FMN2: variants seen among roughly 807,000 people sequenced by gnomAD.
FMN2 encodes the protein formin-2.
Under a neutral mutation model 142.3 loss-of-function variants are expected in FMN2, and 51 were observed. The observed-to-expected ratio is 0.36, with a 90% confidence interval of 0.29 to 0.45. FMN2 has a LOEUF of 0.45. Among genes scored for constraint, FMN2 ranks in the 20% least tolerant of loss-of-function variants. The pLI is 1.00. For missense variants in FMN2, 1,936 were observed against 2,122.8 expected (o/e 0.91, Z 1.73); for synonymous variants, 882 against 869.8 (o/e 1.01, Z -0.25).
At chr1:240,141,373 A>G (rs1663175662) in intron 2 of FMN2, among the ~76,000 whole-genome samples, 1 of 143,002 alleles carries the variant, frequency 7.0e-6, no homozygotes, top group African/African-American at 2.6e-5. Context: ...TATTTTTGGG[A>G]TGGAGTCTCA....
chr1:240,137,099 G>T (rs1164779336), intron 2 of FMN2, among the ~76,000 whole-genome samples: 2 of 149,326 alleles, frequency 1.3e-5, no homozygotes, highest in African/African-American at 4.9e-5. Context: ...AAAAAATTGG[G>T]ACTCTATGGC....
chr1:240,112,115 C>T (rs1307896075), intron 1 of FMN2, among the ~76,000 whole-genome samples: 1 of 151,714 alleles, frequency 6.6e-6, no homozygotes, highest in Admixed American at 6.6e-5. Context: ...AGACACCTAA[C>T]ATCCTTAGGC....
intron 2 of FMN2, chr1:240,154,600 A>G (rs17623932): frequency 0.18 from 27,098 of 152,010 alleles, 2,652 homozygotes; most frequent in South Asian, 0.29. Context: ...CGCAATCCCA[A>G]TTCCATCTCA....
At chr1:240,332,477 A>G (rs1417281323) in intron 11 of FMN2, among the ~76,000 whole-genome samples, 5 of 152,152 alleles carry the variant, frequency 3.3e-5, no homozygotes, top group Admixed American at 6.5e-5. Flanking sequence ...TGAAATCTAT[A>G]GCATCAATAT....
Position 240,092,320 on chromosome 1 carries a change from A to G in FMN2, c.211A>G (p.Arg71Gly), listed in dbSNP as rs1661006187. 6.2e-7 allele frequency: 1 copy of G among 1,604,282 alleles called. No individual in the cohort carries two copies. Among genetic ancestry groups the G allele is most frequent in the Non-Finnish European group, 8.5e-7 (1 of 1,173,916 alleles). The change falls in exon 1 of 18, where the codon AGA becomes GGA. Residue 71 changes from arginine to glycine, a missense_variant. Arg to Gly is a moderately radical substitution (Grantham distance 125). Around this residue, in one of 8 missense-constraint regions of FMN2, gnomAD observed 751 missense variants for 791.8 expected, o/e 0.95. Transcript: ENST00000319653. ...SGKKKSKSDS[R>G]ASVFSNLRIR... Reference sequence around the variant, plus strand: ...CAAGAAGAAGAGCAAGTCCGACTCCAGAGCCTCGGTGTTTTCCAACCTGCG... The same window carrying G: ...CAAGAAGAAGAGCAAGTCCGACTCCGGAGCCTCGGTGTTTTCCAACCTGCG...
At chr1:240,381,778 C>T (rs913914035) in intron 14 of FMN2, among the ~76,000 whole-genome samples, 16 of 152,232 alleles carry the variant, frequency 1.1e-4, no homozygotes, top group Admixed American at 3.3e-4. Flanking sequence ...TCCAACATTG[C>T]TTCATGATAA....
At chr1:240,454,669 G>T (rs1315790081) in intron 16 of FMN2, among the ~76,000 whole-genome samples, 1 of 152,078 alleles carries the variant, frequency 6.6e-6, no homozygotes, top group Non-Finnish European at 1.5e-5. Flanking sequence ...TACACATCTT[G>T]TTCTTCTTAG....
chr1:240,126,919 G>A (rs1321465985), intron 2 of FMN2, among the ~76,000 whole-genome samples: 2 of 152,080 alleles, frequency 1.3e-5, no homozygotes, highest in African/African-American at 2.4e-5. Flanking sequence ...AGTGAATGGC[G>A]TGGGGGTAGG....
At chr1:240,415,428 T>A (rs1353700695) in intron 15 of FMN2, among the ~76,000 whole-genome samples, 1 of 151,800 alleles carries the variant, frequency 6.6e-6, no homozygotes, top group Non-Finnish European at 1.5e-5. Flanking sequence ...GAGAAATACC[T>A]AATGTAGATG....
chr1:240,169,085 C>T (rs540250639), intron 2 of FMN2, among the ~76,000 whole-genome samples: 1 of 152,180 alleles, frequency 6.6e-6, no homozygotes, highest in African/African-American at 2.4e-5. Context: ...GTGGCACATG[C>T]CTGTAGTCCC....
At chr1:240,117,808 G>C (rs1269942776) in intron 1 of FMN2, among the ~76,000 whole-genome samples, 1 of 152,176 alleles carries the variant, frequency 6.6e-6, no homozygotes, top group African/African-American at 2.4e-5. Flanking sequence ...AGTAGAAGGT[G>C]GTAAACACAC....
intron 15 of FMN2, among the ~76,000 whole-genome samples, chr1:240,419,655 C>T (rs1674698913): frequency 6.6e-6 from 1 of 152,130 alleles, no homozygotes; most frequent in Admixed American, 6.5e-5. Flanking sequence ...TTCCCTTTTG[C>T]ACTATACAGT....
chr1:240,379,747 A>G (rs1673164070), intron 14 of FMN2, among the ~76,000 whole-genome samples: 1 of 152,184 alleles, frequency 6.6e-6, no homozygotes, highest in Non-Finnish European at 1.5e-5. Flanking sequence ...TAAGTCCGGA[A>G]TTAAGTTCAA....
chr1:240,325,458 TAA>T lies in FMN2; in HGVS notation c.4216-3616_4216-3615del, dbSNP rs1671139361. ...TTATTAGAGTGTATACTTTCTCATA[TAA>T]ATGCACATGTGTATATATGCATACA... On this transcript the variant is annotated intron_variant, in intron 8 of 17. Transcript: ENST00000319653. Among the ~76,000 whole-genome samples, 4 of 152,232 alleles carry T rather than the reference TAA, an allele frequency of 2.6e-5. No individual in the cohort carries two copies. In the South Asian group the frequency reaches 8.3e-4, roughly 32 times the overall value.
rs1661035117 is a variant in FMN2, at chr1:240,092,769, G to A, written c.660G>A (p.Gln220=). Residue 220 remains glutamine (Q), a synonymous_variant, in exon 1 of 18, where the codon CAG becomes CAA. Transcript: ENST00000319653. ...AGCTCCAGCTCCAGCTCCAGCAACA[G>A]CAGCAGCAGCAGCAGCTCCAGGGCG... The part of the protein sequence containing the change: ...QQQLQLQLQQ[Q]QQQQQLQGAE... The A allele has an allele frequency of 2.5e-6, 4 of 1,588,710 alleles. No individual in the cohort carries two copies. The South Asian group carries it at 3.4e-5, about 13-fold the overall frequency.
chr1:240,180,708 A>C (rs533474951), intron 3 of FMN2, among the ~76,000 whole-genome samples: 1 of 151,688 alleles, frequency 6.6e-6, no homozygotes, highest in South Asian at 2.1e-4. Context: ...CTGGGATTAC[A>C]TGCGCCCAAC....
chr1:240,107,513 T>C (rs1661657407), intron 1 of FMN2, among the ~76,000 whole-genome samples: 1 of 152,214 alleles, frequency 6.6e-6, no homozygotes, highest in Admixed American at 6.5e-5. Context: ...ATTTTTCTTT[T>C]GTCTTTCTAT....
intron 13 of FMN2, among the ~76,000 whole-genome samples, chr1:240,352,081 T>A (rs1389316384): frequency 1.3e-5 from 2 of 150,238 alleles, no homozygotes; most frequent in African/African-American, 4.9e-5. Flanking sequence ...AGAGATTAGA[T>A]TTTTTTTTCC....
At chr1:240,422,561 A>G (rs1306243437) in intron 15 of FMN2, among the ~76,000 whole-genome samples, 1 of 152,196 alleles carries the variant, frequency 6.6e-6, no homozygotes, top group Non-Finnish European at 1.5e-5. Context: ...GTGCTGGTAT[A>G]TGGGAAAGCA....
Sources: allele counts gnomAD v4.1 joint callset (sites outside exome capture counted in the v4.1 genomes callset), GRCh38; gene constraint gnomAD v4.1.1; regional missense constraint gnomAD v4.1.1; transcripts MANE v1.5; gene names NCBI Gene and HGNC (gene_info 2026-07-23, HGNC 2026-07-21).